ROR1: variants seen among roughly 807,000 people sequenced by gnomAD.
ROR1 encodes the protein ROR family WNT receptor 1.
ROR1 carries 19 observed loss-of-function variants against 78.8 expected under a neutral mutation model. The ratio of observed to expected loss-of-function variants is 0.24; its 90% CI spans 0.17 to 0.35. ROR1 has a LOEUF of 0.35. Among genes scored for constraint, ROR1 ranks in the 10% least tolerant of loss-of-function variants. The pLI, the probability that ROR1 is intolerant of heterozygous loss-of-function variation, is 1.00. For synonymous variants in ROR1, 386 were observed against 433.6 expected, an observed-to-expected ratio of 0.89 and a Z score of 1.36; for missense variants, 917 against 1,177.8, an observed-to-expected ratio of 0.78 and a Z score of 3.24.
intron 1 of ROR1, among the ~76,000 whole-genome samples, chr1:63,871,808 T>C (rs1645253289): frequency 6.6e-6 from 1 of 152,336 alleles, no homozygotes; most frequent in Non-Finnish European, 1.5e-5. Context: ...TGGAAGCTGG[T>C]TGGAATGGAA....
chr1:63,971,300 T>C (rs1224014317), intron 1 of ROR1, among the ~76,000 whole-genome samples: 3 of 152,216 alleles, frequency 2.0e-5, no homozygotes, highest in Non-Finnish European at 1.5e-5. Flanking sequence ...ATAATATTAC[T>C]TAACCCATAA....
At chr1:64,172,555 A>G (rs1265211064) in intron 8 of ROR1, among the ~76,000 whole-genome samples, 1 of 152,124 alleles carries the variant, frequency 6.6e-6, no homozygotes, top group East Asian at 1.9e-4. Context: ...CCTTCAACTA[A>G]TGGAGGGAGT....
At position 63,840,296 on chromosome 1, in the gene ROR1, T is replaced by TG. The variant is rs1553136290; in HGVS notation, c.91+65789dup. On this transcript the variant is annotated intron_variant, in intron 1 of 8. Coordinates refer to ENST00000371079, the MANE Select transcript of ROR1 (RefSeq NM_005012.4). ...TTGTCGTTTAGTTTTTTTTTTTTTT[T>TG]GAGATGGAGTTTCACTCTTGTTGCC... Among the ~76,000 whole-genome samples the TG allele has an allele frequency of 7.9e-3, 1,198 of 151,576 alleles. 19 individuals are homozygous for TG. The highest frequency in any genetic ancestry group is 0.025 in the African/African-American group (1,015 of 41,242).
At chr1:64,175,625 A>G (rs1051213135) in intron 8 of ROR1, among the ~76,000 whole-genome samples, 2 of 152,242 alleles carry the variant, frequency 1.3e-5, no homozygotes, top group Admixed American at 1.3e-4. Context: ...TGAACAAATA[A>G]GACCAATTTA....
At chr1:64,107,499 G>C (rs1034082209) in intron 4 of ROR1, among the ~76,000 whole-genome samples, 3 of 152,050 alleles carry the variant, frequency 2.0e-5, no homozygotes, top group African/African-American at 7.2e-5. Flanking sequence ...TTCCATCCTT[G>C]TGATCATTAT....
chr1:64,167,727 G>C (rs1402326115), intron 8 of ROR1, among the ~76,000 whole-genome samples: 1 of 152,080 alleles, frequency 6.6e-6, no homozygotes, highest in Non-Finnish European at 1.5e-5. Flanking sequence ...TACTCTCCAG[G>C]GCTCTCATGC....
chr1:63,934,531 A>G (rs566843467), intron 1 of ROR1, among the ~76,000 whole-genome samples: 1 of 152,266 alleles, frequency 6.6e-6, no homozygotes, highest in South Asian at 2.1e-4. Flanking sequence ...AACTTCATTT[A>G]TTTCCTAAAT....
intron 6 of ROR1, among the ~76,000 whole-genome samples, chr1:64,141,466 G>A (rs1370660786): frequency 6.6e-6 from 1 of 152,080 alleles, no homozygotes; most frequent in South Asian, 2.1e-4. Context: ...CAAGAACCCT[G>A]CTTCCGTGAT....
intron 1 of ROR1, among the ~76,000 whole-genome samples, chr1:64,003,959 A>G (rs1301526503): frequency 6.6e-6 from 1 of 152,216 alleles, no homozygotes; most frequent in African/African-American, 2.4e-5. Context: ...TTCTTTTACC[A>G]TAGGAAGAAA....
chr1:63,853,136 C>A (rs1311220698), intron 1 of ROR1, among the ~76,000 whole-genome samples: 2 of 152,166 alleles, frequency 1.3e-5, no homozygotes, highest in Non-Finnish European at 2.9e-5. Context: ...CCTCAAGACA[C>A]TAACAATGAT....
At chr1:64,139,057 T>C (rs541532815) in intron 5 of ROR1, among the ~76,000 whole-genome samples, 1 of 150,464 alleles carries the variant, frequency 6.6e-6, no homozygotes, top group East Asian at 2.0e-4. Context: ...GTCCCAGCTA[T>C]GTGGGAGGCT....
chr1:63,802,493 A>G (rs1644803194), intron 1 of ROR1, among the ~76,000 whole-genome samples: 1 of 152,220 alleles, frequency 6.6e-6, no homozygotes, highest in African/African-American at 2.4e-5. Flanking sequence ...CAAGGCAAGA[A>G]TTTAGAGGTG....
intron 1 of ROR1, among the ~76,000 whole-genome samples, chr1:63,954,405 T>C (rs962285348): frequency 4.6e-5 from 7 of 152,242 alleles, no homozygotes; most frequent in African/African-American, 1.7e-4. Flanking sequence ...ATGTATACTT[T>C]ATTCCAAGAG....
At chr1:64,121,411 T>C (rs1648538325) in intron 4 of ROR1, among the ~76,000 whole-genome samples, 1 of 152,106 alleles carries the variant, frequency 6.6e-6, no homozygotes, top group Admixed American at 6.6e-5. Flanking sequence ...AGTTCTACTA[T>C]TAAAATTGGG....
At chr1:63,978,387 A>G (rs1418788139) in intron 1 of ROR1, among the ~76,000 whole-genome samples, 5 of 152,178 alleles carry the variant, frequency 3.3e-5, no homozygotes, top group Non-Finnish European at 7.4e-5. Context: ...GGTGTGGATA[A>G]TTTTGGTTTT....
chr1:64,060,829 A>G (rs1471344879), intron 4 of ROR1, among the ~76,000 whole-genome samples: 1 of 152,156 alleles, frequency 6.6e-6, no homozygotes, highest in Non-Finnish European at 1.5e-5. Context: ...GGAGCGAGTA[A>G]AATGTACAGA....
chr1:64,074,087 A>C (rs1627532), intron 4 of ROR1, among the ~76,000 whole-genome samples: 70,306 of 149,146 alleles, frequency 0.47, 17,514 homozygotes, highest in African/African-American at 0.68. Flanking sequence ...ATGTCCATTT[A>C]TTCTTCTTTT....
chr1:63,847,812 A>C (rs910255501), intron 1 of ROR1, among the ~76,000 whole-genome samples: 5 of 152,212 alleles, frequency 3.3e-5, no homozygotes, highest in Non-Finnish European at 7.3e-5. Flanking sequence ...GCTTTGATTC[A>C]GATATACTCC....
chr1:63,944,661 T>A (rs185733964), intron 1 of ROR1, among the ~76,000 whole-genome samples: 1 of 152,326 alleles, frequency 6.6e-6, no homozygotes, highest in Admixed American at 6.5e-5. Context: ...TCTTCTATCC[T>A]CTCAGTGGTC....
Sources: gnomAD v4.1 joint callset for allele counts (sites outside exome capture counted in the v4.1 genomes callset) on GRCh38, gnomAD v4.1.1 for gene constraint, MANE v1.5 for transcripts, NCBI Gene and HGNC (gene_info 2026-07-23, HGNC 2026-07-21) for gene names.